The following JARID2 variants were observed in gnomAD, a reference collection of about 807,000 sequenced individuals.
JARID2 encodes jumonji and AT-rich interaction domain containing 2.
A neutral mutation model predicts 125.6 loss-of-function variants in JARID2; 21 were observed. That is an observed-to-expected ratio of 0.17 (90% confidence interval 0.12 to 0.24). The LOEUF (loss-of-function observed/expected upper bound fraction) is 0.24. JARID2 is among the 10% of genes least tolerant of loss of function. JARID2 has a pLI of 1.00. For synonymous variants in JARID2, 736 were observed against 661.6 expected (o/e 1.11, Z -1.73); for missense variants, 1,303 against 1,639.6 (o/e 0.79, Z 3.55).
chr6:15,467,326 C>G (rs961001628), intron 4 of JARID2, among the ~76,000 whole-genome samples: 5 of 152,064 alleles, frequency 3.3e-5, no homozygotes, highest in Non-Finnish European at 1.5e-5. Flanking sequence ...TCTATCTCTT[C>G]GGTGATGTTA....
intron 1 of JARID2, among the ~76,000 whole-genome samples, chr6:15,270,011 G>A (rs1760235848): frequency 6.6e-6 from 1 of 152,182 alleles, no homozygotes; most frequent in Admixed American, 6.5e-5. Flanking sequence ...TAACACAAGG[G>A]TTGTATACAA....
At chr6:15,452,225 G>A in intron 4 of JARID2, 50 bp downstream of exon 4, 3 of 1,602,402 alleles carry the variant, frequency 1.9e-6, no homozygotes, top group East Asian at 2.2e-5. Context: ...CTACATGTAA[G>A]CCTGAGGTCT....
rs1771782311 is a variant in JARID2 at position 15,520,498 on chromosome 6, GGCT to G, written c.*249_*251del. The G allele has an allele frequency of 4.9e-6, 2 of 408,364 alleles. No individual in the cohort carries two copies. Among genetic ancestry groups the G allele is most frequent in the East Asian group, 8.9e-5 (2 of 22,364 alleles). The allele number at this position is 408,364 out of a possible 1,614,324, so 25.3% of individuals were successfully genotyped here. The stretch of plus-strand genomic sequence containing the variant: ...GTCACTGTTTTAAAAACCCCGGAGG[GGCT>G]GTATTAATTTGTATTGCCCCATGGC... On this transcript the variant is annotated 3_prime_UTR_variant, in exon 18 of 18. Coordinates refer to ENST00000341776, the MANE Select transcript of JARID2 (RefSeq NM_004973.4).
intron 1 of JARID2, among the ~76,000 whole-genome samples, chr6:15,254,847 C>T (rs1376788525): frequency 2.0e-5 from 3 of 151,988 alleles, no homozygotes; most frequent in African/African-American, 7.3e-5. Context: ...CTAGACTAGC[C>T]TGGCCAACAT....
chr6:15,456,375 G>A (rs1768177915), intron 4 of JARID2, among the ~76,000 whole-genome samples: 1 of 151,914 alleles, frequency 6.6e-6, no homozygotes, highest in Non-Finnish European at 1.5e-5. Context: ...ATACAAAAAA[G>A]GCTTAAATAA....
chr6:15,466,303 T>G (rs1000909013), intron 4 of JARID2, among the ~76,000 whole-genome samples: 3 of 152,206 alleles, frequency 2.0e-5, no homozygotes, highest in Non-Finnish European at 4.4e-5. Flanking sequence ...ATTAGAAAGA[T>G]CTACACAAGA....
At chr6:15,506,534 C>A (rs185776795) in intron 9 of JARID2, among the ~76,000 whole-genome samples, 19 of 152,008 alleles carry the variant, frequency 1.2e-4, no homozygotes, top group Non-Finnish European at 2.4e-4. Context: ...GCTTGTGAGA[C>A]GAGGGAAGAG....
intron 1 of JARID2, among the ~76,000 whole-genome samples, chr6:15,319,890 A>T (rs1221884143): frequency 6.6e-6 from 1 of 152,208 alleles, no homozygotes; most frequent in Admixed American, 6.5e-5. Context: ...TTCTTGCTTC[A>T]CTGCATCATT....
chr6:15,394,235 C>T (rs555678356), intron 2 of JARID2, among the ~76,000 whole-genome samples: 21 of 152,184 alleles, frequency 1.4e-4, no homozygotes, highest in Non-Finnish European at 3.1e-4. Context: ...ATAAGAGCAC[C>T]TCAGGCTTAC....
At chr6:15,267,578 A>C (rs949412464) in intron 1 of JARID2, among the ~76,000 whole-genome samples, 3 of 152,148 alleles carry the variant, frequency 2.0e-5, no homozygotes, top group Non-Finnish European at 4.4e-5. Flanking sequence ...GGTTCTAGTG[A>C]ATTTTCTGGT....
intron 4 of JARID2, among the ~76,000 whole-genome samples, chr6:15,467,086 G>A (rs1768776853): frequency 6.6e-6 from 1 of 152,186 alleles, no homozygotes; most frequent in African/African-American, 2.4e-5. Flanking sequence ...AACATTGATA[G>A]GTCATGAAGA....
At chr6:15,249,819 C>A (rs776473738) in intron 1 of JARID2, among the ~76,000 whole-genome samples, 1 of 152,162 alleles carries the variant, frequency 6.6e-6, no homozygotes, top group East Asian at 1.9e-4. Context: ...TCATAAGTTG[C>A]AGTGTAATCC....
intron 2 of JARID2, among the ~76,000 whole-genome samples, chr6:15,398,894 C>T (rs905875024): frequency 3.3e-5 from 5 of 152,128 alleles, no homozygotes; most frequent in Non-Finnish European, 7.4e-5. Flanking sequence ...TATGTCTCGG[C>T]GTTTCTACTT....
chr6:15,387,972 T>C (rs1764852063), intron 2 of JARID2, among the ~76,000 whole-genome samples: 1 of 152,150 alleles, frequency 6.6e-6, no homozygotes, highest in Non-Finnish European at 1.5e-5. Context: ...TGTAATAGAA[T>C]AGAAAGACCC....
At chr6:15,366,923 T>C (rs1426276023) in intron 1 of JARID2, among the ~76,000 whole-genome samples, 1 of 152,204 alleles carries the variant, frequency 6.6e-6, no homozygotes, top group East Asian at 1.9e-4. Context: ...TGTTTTATAA[T>C]ATTTATTGTA....
At chr6:15,268,836 G>A (rs1760189209) in intron 1 of JARID2, among the ~76,000 whole-genome samples, 1 of 152,194 alleles carries the variant, frequency 6.6e-6, no homozygotes, top group African/African-American at 2.4e-5. Context: ...AAAAGCATTA[G>A]TGAGACTACA....
intron 4 of JARID2, among the ~76,000 whole-genome samples, chr6:15,458,166 T>TA (rs1251942812): frequency 6.6e-6 from 1 of 152,234 alleles, no homozygotes; most frequent in Non-Finnish European, 1.5e-5. Flanking sequence ...TGGTTATTCT[T>TA]AATGAGTTCT....
intron 5 of JARID2, among the ~76,000 whole-genome samples, chr6:15,478,062 A>T (rs1221594842): frequency 6.6e-6 from 1 of 152,002 alleles, no homozygotes; most frequent in East Asian, 1.9e-4. Context: ...TAAAGTATTT[A>T]TTTGTTCCAC....
chr6:15,467,775 T>C (rs773813591), intron 4 of JARID2, among the ~76,000 whole-genome samples: 36 of 152,286 alleles, frequency 2.4e-4, no homozygotes, highest in Non-Finnish European at 5.0e-4. Context: ...ATCGCGCCAC[T>C]GCACTCAGCT....
Sources: allele counts gnomAD v4.1 joint callset (sites outside exome capture counted in the v4.1 genomes callset), GRCh38; gene constraint gnomAD v4.1.1; transcripts MANE v1.5; gene names NCBI Gene and HGNC (gene_info 2026-07-23, HGNC 2026-07-21).